Variants in ITGBL1 observed in about 807,000 individuals in gnomAD.
ITGBL1 encodes the protein integrin subunit beta like 1, also known as integrin beta-like protein 1.
Under a neutral mutation model 68.5 loss-of-function variants are expected in ITGBL1, and 51 were observed. The observed-to-expected ratio is 0.74, with a 90% confidence interval of 0.59 to 0.94. The LOEUF is 0.94. ITGBL1 is among the 40% of genes least tolerant of loss of function. The probability of loss-of-function intolerance (pLI) is 0.00; values close to 1 mark genes in which losing one functional copy is unlikely to be tolerated. For missense variants in ITGBL1, 649 were observed against 647.4 expected, an observed-to-expected ratio of 1.00 and a Z score of -0.03; for synonymous variants, 209 against 227.3, an observed-to-expected ratio of 0.92 and a Z score of 0.72.
chr13:101,534,948 A>C (rs9554794), intron 2 of ITGBL1, among the ~76,000 whole-genome samples: 34,152 of 152,030 alleles, frequency 0.22, 4,140 homozygotes, highest in East Asian at 0.46. Flanking sequence ...TACAGCAAGG[A>C]GAGATGGAGC....
chr13:101,465,814 A>G (rs1490410175), intron 2 of ITGBL1, among the ~76,000 whole-genome samples: 1 of 152,228 alleles, frequency 6.6e-6, no homozygotes, highest in Non-Finnish European at 1.5e-5. Context: ...CAGTAAATAT[A>G]TGTTCAGTGA....
chr13:101,470,880 T>G (rs967658556), intron 2 of ITGBL1, among the ~76,000 whole-genome samples: 63 of 137,652 alleles, frequency 4.6e-4, no homozygotes, highest in African/African-American at 1.6e-3. Context: ...ATCCTTCTTG[T>G]GTGGTGTTAA....
intron 7 of ITGBL1, among the ~76,000 whole-genome samples, chr13:101,671,291 A>G (rs2033352552): frequency 6.6e-6 from 1 of 152,160 alleles, no homozygotes. Context: ...GAAATAACTA[A>G]CAAAGATGAT....
At chr13:101,532,178 C>T (rs1177350712) in intron 2 of ITGBL1, among the ~76,000 whole-genome samples, 1 of 151,954 alleles carries the variant, frequency 6.6e-6, no homozygotes, top group Non-Finnish European at 1.5e-5. Flanking sequence ...TATTTTTAAT[C>T]ATATGGTTGC....
At chr13:101,710,443 G>T (rs2034407581) in intron 9 of ITGBL1, among the ~76,000 whole-genome samples, 1 of 152,158 alleles carries the variant, frequency 6.6e-6, no homozygotes, top group Non-Finnish European at 1.5e-5. Context: ...CCAGTGGGGA[G>T]CACTACCCCA....
intron 7 of ITGBL1, among the ~76,000 whole-genome samples, chr13:101,659,349 A>G (rs894455576): frequency 6.6e-6 from 1 of 152,232 alleles, no homozygotes; most frequent in African/African-American, 2.4e-5. Flanking sequence ...CTATAATTAT[A>G]ACAAATATTT....
At chr13:101,538,698 G>A (rs919256396) in intron 2 of ITGBL1, among the ~76,000 whole-genome samples, 1 of 151,970 alleles carries the variant, frequency 6.6e-6, no homozygotes, top group Non-Finnish European at 1.5e-5. Context: ...ATTCTAATAA[G>A]CTAATGGATA....
chr13:101,705,408 C>T (rs2034240200), intron 8 of ITGBL1, among the ~76,000 whole-genome samples: 1 of 151,686 alleles, frequency 6.6e-6, no homozygotes, highest in Non-Finnish European at 1.5e-5. Flanking sequence ...AGTTACTTAC[C>T]ACGTCCTACC....
At chr13:101,626,084 T>C (rs140457249) in intron 7 of ITGBL1, among the ~76,000 whole-genome samples, 8 of 152,334 alleles carry the variant, frequency 5.3e-5, no homozygotes, top group African/African-American at 1.9e-4. Context: ...GTACCTTTGC[T>C]ATTCAAAGTG....
chr13:101,698,221 C>T (rs750700009), intron 8 of ITGBL1, among the ~76,000 whole-genome samples: 7 of 152,096 alleles, frequency 4.6e-5, no homozygotes, highest in Non-Finnish European at 1.0e-4. Context: ...AAATATGGTA[C>T]TTGACTCCAA....
intron 7 of ITGBL1, among the ~76,000 whole-genome samples, chr13:101,614,519 T>C (rs2031271557): frequency 6.6e-6 from 1 of 152,110 alleles, no homozygotes; most frequent in African/African-American, 2.4e-5. Flanking sequence ...TTTGAGCACA[T>C]TTTCCATTAT....
intron 6 of ITGBL1, among the ~76,000 whole-genome samples, chr13:101,583,641 C>T (rs2139290909): frequency 6.6e-6 from 1 of 152,184 alleles, no homozygotes; most frequent in Middle Eastern, 3.4e-3. Context: ...CCATGTACCC[C>T]ATAAACATAT....
chr13:101,513,298 T>C (rs1242950926), intron 2 of ITGBL1, among the ~76,000 whole-genome samples: 1 of 152,086 alleles, frequency 6.6e-6, no homozygotes, highest in Non-Finnish European at 1.5e-5. Context: ...AGATGTGAGT[T>C]ATACTGTGAA....
At chr13:101,566,808 G>A (rs1243824181) in intron 2 of ITGBL1, among the ~76,000 whole-genome samples, 5 of 152,136 alleles carry the variant, frequency 3.3e-5, no homozygotes, top group African/African-American at 1.2e-4. Flanking sequence ...CAACTTTCAA[G>A]GGCCAGTTAA....
chr13:101,572,394 G>A (rs1362763946), intron 3 of ITGBL1, among the ~76,000 whole-genome samples: 1 of 152,108 alleles, frequency 6.6e-6, no homozygotes, highest in Non-Finnish European at 1.5e-5. Context: ...GGGAGGTCCA[G>A]TGTGCAGAGC....
chr13:101,647,259 G>A (rs2032588726), intron 7 of ITGBL1, among the ~76,000 whole-genome samples: 1 of 152,096 alleles, frequency 6.6e-6, no homozygotes, highest in Non-Finnish European at 1.5e-5. Context: ...AAGTAATTCA[G>A]TAGTAATAGA....
At chr13:101,714,970 T>C (rs150841780) in intron 10 of ITGBL1, 114 of 190,528 alleles carry the variant, frequency 6.0e-4, no homozygotes, top group African/African-American at 2.5e-3. Flanking sequence ...GATGTGTGTA[T>C]GGGGGAGAGG....
chr13:101,571,947 A>G (rs945871243), intron 3 of ITGBL1, among the ~76,000 whole-genome samples: 12 of 152,224 alleles, frequency 7.9e-5, no homozygotes, highest in African/African-American at 2.9e-4. Context: ...TGGATTGTAA[A>G]TAATAGTGCA....
intron 2 of ITGBL1, among the ~76,000 whole-genome samples, chr13:101,478,235 A>T (rs2048565149): frequency 6.6e-6 from 1 of 151,772 alleles, no homozygotes. Flanking sequence ...GGACAAAGCC[A>T]TATGATCATT....
Sources: allele counts gnomAD v4.1 joint callset (sites outside exome capture counted in the v4.1 genomes callset), GRCh38; gene constraint gnomAD v4.1.1; transcripts MANE v1.5; gene names NCBI Gene and HGNC (gene_info 2026-07-23, HGNC 2026-07-21).